The following DIAPH3 variants were observed in gnomAD, a reference collection of about 807,000 sequenced individuals.
DIAPH3 encodes diaphanous related formin 3, also known as protein diaphanous homolog 3.
DIAPH3 carries 117 observed loss-of-function variants against 144.3 expected under a neutral mutation model. The ratio of observed to expected loss-of-function variants is 0.81; its 90% CI spans 0.70 to 0.95. The LOEUF (loss-of-function observed/expected upper bound fraction) is 0.95, where lower values mean the gene tolerates loss of function less well. DIAPH3 is among the 40% of genes least tolerant of loss of function. DIAPH3 has a pLI of 0.00. For missense variants in DIAPH3, 1,421 were observed against 1,412.7 expected (o/e 1.01, Z -0.09); for synonymous variants, 519 against 488.9 (o/e 1.06, Z -0.81).
chr13:59,931,770 G>T (rs1346079322), intron 17 of DIAPH3, among the ~76,000 whole-genome samples: 1 of 152,202 alleles, frequency 6.6e-6, no homozygotes, highest in Non-Finnish European at 1.5e-5. Context: ...AAACGATGGT[G>T]ATGTTTATTT....
At chr13:59,793,357 G>A (rs1297173173) in intron 25 of DIAPH3, among the ~76,000 whole-genome samples, 1 of 151,990 alleles carries the variant, frequency 6.6e-6, no homozygotes, top group Non-Finnish European at 1.5e-5. Context: ...CACCTGCTTT[G>A]TCCTCCCCTT....
chr13:60,138,575 G>A (rs1480676085), intron 1 of DIAPH3, among the ~76,000 whole-genome samples: 1 of 152,158 alleles, frequency 6.6e-6, no homozygotes, highest in East Asian at 1.9e-4. Flanking sequence ...ACAATCTCTG[G>A]TATGTATGAT....
At chr13:60,095,750 C>G (rs1300018077) in intron 3 of DIAPH3, among the ~76,000 whole-genome samples, 1 of 151,894 alleles carries the variant, frequency 6.6e-6, no homozygotes, top group Non-Finnish European at 1.5e-5. Context: ...ATATTAAATA[C>G]TTTGTATTGC....
At chr13:60,137,779 G>A (rs181136002) in intron 1 of DIAPH3, among the ~76,000 whole-genome samples, 73 of 142,438 alleles carry the variant, frequency 5.1e-4, no homozygotes, top group African/African-American at 1.8e-3. Flanking sequence ...AGTCTTGCTC[G>A]GTCACCCAGG....
At position 60,020,487 on chromosome 13, in the gene DIAPH3, C is replaced by G. The variant is rs867523134; in HGVS notation, c.627-4342G>C. Reference sequence around the variant, plus strand: ...GGCTCAAGCAATCCTCCTGCCTCAGCCTTCCTAGTAACTGGGACTACAAGC... The same window carrying G: ...GGCTCAAGCAATCCTCCTGCCTCAGGCTTCCTAGTAACTGGGACTACAAGC... On this transcript the variant is annotated intron_variant, in intron 5 of 27. Coordinates refer to ENST00000400324, the MANE Select transcript of DIAPH3 (RefSeq NM_001042517.2). Among the ~76,000 whole-genome samples, 5 of 152,304 alleles carry G rather than the reference C, an allele frequency of 3.3e-5. No homozygotes were observed. In the Middle Eastern group the frequency reaches 0.01, roughly 311 times the overall value.
intron 4 of DIAPH3, among the ~76,000 whole-genome samples, chr13:60,084,433 C>T (rs1401892758): frequency 6.6e-6 from 1 of 151,456 alleles, no homozygotes; most frequent in East Asian, 1.9e-4. Context: ...CCCTCATGTG[C>T]AAAATTTAAA....
intron 17 of DIAPH3, among the ~76,000 whole-genome samples, chr13:59,963,082 G>GTGTC (rs1342094715): frequency 2.0e-5 from 3 of 152,142 alleles, no homozygotes; most frequent in Non-Finnish European, 4.4e-5. Context: ...CTGGGATAAA[G>GTGTC]TGTCTGATTT....
At chr13:59,839,511 C>T in intron 22 of DIAPH3, 63 bp from the exon 23 acceptor site, 1 of 1,478,052 alleles carries the variant, frequency 6.8e-7, no homozygotes, top group Non-Finnish European at 9.2e-7. Flanking sequence ...AGGTAAGACA[C>T]CCTAGAAACA....
At chr13:60,130,469 G>C (rs2059110697) in intron 2 of DIAPH3, among the ~76,000 whole-genome samples, 1 of 152,146 alleles carries the variant, frequency 6.6e-6, no homozygotes, top group Non-Finnish European at 1.5e-5. Flanking sequence ...GAAGAAAGCA[G>C]GGGCAAGGCA....
At chr13:59,796,484 T>C (rs777435433) in intron 25 of DIAPH3, among the ~76,000 whole-genome samples, 14 of 152,194 alleles carry the variant, frequency 9.2e-5, no homozygotes, top group Non-Finnish European at 5.9e-5. Flanking sequence ...ATTTCTATAG[T>C]AAGACATTTT....
At chr13:60,134,834 A>T (rs1370347427) in intron 1 of DIAPH3, among the ~76,000 whole-genome samples, 4 of 152,250 alleles carry the variant, frequency 2.6e-5, no homozygotes, top group African/African-American at 9.6e-5. Flanking sequence ...ATGCCACAAT[A>T]AAGAGAAAAA....
At chr13:59,725,621 G>A (rs74558890) in intron 27 of DIAPH3, among the ~76,000 whole-genome samples, 1 of 152,114 alleles carries the variant, frequency 6.6e-6, no homozygotes, top group African/African-American at 2.4e-5. Context: ...ATTCCATCCT[G>A]AACAGGCTTG....
intron 7 of DIAPH3, chr13:60,012,941 A>G: frequency 1.1e-6 from 1 of 941,244 alleles, no homozygotes; most frequent in Non-Finnish European, 1.3e-6. Flanking sequence ...ACTACTCAGT[A>G]TCTATAAATA....
intron 17 of DIAPH3, among the ~76,000 whole-genome samples, chr13:59,962,282 T>G (rs1367751707): frequency 6.6e-6 from 1 of 152,120 alleles, no homozygotes; most frequent in East Asian, 1.9e-4. Flanking sequence ...TTTAAATGCA[T>G]AAACAAAAAT....
At chr13:59,990,117 A>G (rs1401593859) in intron 12 of DIAPH3, among the ~76,000 whole-genome samples, 1 of 151,938 alleles carries the variant, frequency 6.6e-6, no homozygotes, top group African/African-American at 2.4e-5. Flanking sequence ...TTTTTAATAA[A>G]ATATCAGAAA....
chr13:60,048,378 C>T (rs1041275702), intron 4 of DIAPH3, among the ~76,000 whole-genome samples: 6 of 152,120 alleles, frequency 3.9e-5, no homozygotes, highest in Admixed American at 1.3e-4. Flanking sequence ...AGTAATAAGA[C>T]AAATTAATAA....
At chr13:60,137,056 C>A (rs1341364573) in intron 1 of DIAPH3, among the ~76,000 whole-genome samples, 1 of 152,218 alleles carries the variant, frequency 6.6e-6, no homozygotes, top group Non-Finnish European at 1.5e-5. Flanking sequence ...ACTCATCCTT[C>A]TTCCTCTGGT....
At chr13:59,912,659 T>C (rs1165083248) in intron 19 of DIAPH3, among the ~76,000 whole-genome samples, 1 of 152,206 alleles carries the variant, frequency 6.6e-6, no homozygotes, top group Non-Finnish European at 1.5e-5. Context: ...AGTGCATTGA[T>C]ATTAAAATTA....
At chr13:59,818,249 C>A (rs1190272683) in intron 24 of DIAPH3, among the ~76,000 whole-genome samples, 6 of 151,808 alleles carry the variant, frequency 4.0e-5, no homozygotes, top group African/African-American at 1.4e-4. Context: ...GAAAAAAAAT[C>A]TTTTAACATA....
Sources: gnomAD v4.1 joint callset for allele counts (sites outside exome capture counted in the v4.1 genomes callset) on GRCh38, gnomAD v4.1.1 for gene constraint, MANE v1.5 for transcripts, NCBI Gene and HGNC (gene_info 2026-07-23, HGNC 2026-07-21) for gene names.